Variants in PRKCQ observed in about 807,000 individuals in gnomAD.
The protein encoded by PRKCQ is protein kinase C theta type.
In PRKCQ, 41 loss-of-function variants were observed where a neutral mutation model predicts 91.2. The ratio of observed to expected loss-of-function variants is 0.45; its 90% CI spans 0.35 to 0.58. PRKCQ has a LOEUF of 0.58. Ranked by LOEUF, PRKCQ falls within the 20% of genes least tolerant of loss-of-function variation. The pLI is 0.00. For synonymous variants in PRKCQ, 307 were observed against 316.9 expected (o/e 0.97, Z 0.33); for missense variants, 673 against 896.5 (o/e 0.75, Z 3.18).
intron 16 of PRKCQ, among the ~76,000 whole-genome samples, chr10:6,435,531 A>G (rs924437519): frequency 6.6e-6 from 1 of 152,218 alleles, no homozygotes; most frequent in African/African-American, 2.4e-5. Flanking sequence ...AATATGTGTA[A>G]GAGAAAGTTC....
chr10:6,559,900 C>T (rs1304813082), intron 1 of PRKCQ, among the ~76,000 whole-genome samples: 1 of 152,098 alleles, frequency 6.6e-6, no homozygotes, highest in Non-Finnish European at 1.5e-5. Flanking sequence ...TCGTTACGTA[C>T]ACAGAATGTG....
intron 11 of PRKCQ, among the ~76,000 whole-genome samples, chr10:6,483,183 A>G (rs1836706021): frequency 6.6e-6 from 1 of 152,206 alleles, no homozygotes; most frequent in African/African-American, 2.4e-5. Flanking sequence ...TGGTGCCCAA[A>G]GACATCAAAC....
intron 1 of PRKCQ, among the ~76,000 whole-genome samples, chr10:6,521,777 C>T (rs1839011240): frequency 1.3e-5 from 2 of 152,102 alleles, no homozygotes; most frequent in Admixed American, 6.6e-5. Flanking sequence ...CACTTACTAC[C>T]CTCTGATGTC....
chr10:6,415,453 T>C, the PRKCQ span, among the ~76,000 whole-genome samples: 343 of 98,292 alleles, frequency 3.5e-3, 3 homozygotes, highest in Non-Finnish European at 5.7e-3. Context: ...TATATATATA[T>C]ATACACTTAC....
At chr10:6,489,432 G>A (rs1170531346) in intron 8 of PRKCQ, 2 of 532,320 alleles carry the variant, frequency 3.8e-6, no homozygotes, top group Non-Finnish European at 7.7e-6. Flanking sequence ...GGAGGGCAAA[G>A]AGTCCCTTTG....
intron 7 of PRKCQ, among the ~76,000 whole-genome samples, chr10:6,496,526 G>T (rs192777001): frequency 6.6e-6 from 1 of 151,892 alleles, no homozygotes; most frequent in Non-Finnish European, 1.5e-5. Context: ...TCTAGCTGGG[G>T]GTGCCACAAG....
intron 1 of PRKCQ, among the ~76,000 whole-genome samples, chr10:6,555,451 T>A (rs1251060463): frequency 6.6e-6 from 1 of 152,166 alleles, no homozygotes; most frequent in Admixed American, 6.5e-5. Flanking sequence ...AGACATTCAG[T>A]GAATAATGCA....
At chr10:6,406,741 G>A in the PRKCQ span, among the ~76,000 whole-genome samples, 1 of 152,140 alleles carries the variant, frequency 6.6e-6, no homozygotes, top group Non-Finnish European at 1.5e-5. Flanking sequence ...GGCACTGAGG[G>A]AATGGCTCAC....
intron 8 of PRKCQ, among the ~76,000 whole-genome samples, chr10:6,487,468 G>A (rs1836991648): frequency 6.6e-6 from 1 of 152,138 alleles, no homozygotes; most frequent in Non-Finnish European, 1.5e-5. Flanking sequence ...TGAACGCTCT[G>A]GGGGCTCCCG....
chr10:6,494,345 A>AT (rs1837475578), intron 7 of PRKCQ, among the ~76,000 whole-genome samples: 1 of 152,210 alleles, frequency 6.6e-6, no homozygotes, highest in South Asian at 2.1e-4. Flanking sequence ...CTCCCTGGCC[A>AT]CGGGAGCACT....
At chr10:6,400,632 A>G in the PRKCQ span, among the ~76,000 whole-genome samples, 7 of 800 alleles carry the variant, frequency 8.8e-3, no homozygotes, top group Non-Finnish European at 0.29. Context: ...TTCCTTTCAG[A>G]AAAAAAAAAA....
chr10:6,572,694 C>G (rs6602848), intron 1 of PRKCQ, among the ~76,000 whole-genome samples: 72,254 of 152,092 alleles, frequency 0.48, 20,964 homozygotes, highest in Non-Finnish European at 0.62. Context: ...AATGAACATA[C>G]GTGTGCATGT....
chr10:6,407,902 G>T, the PRKCQ span, among the ~76,000 whole-genome samples: 1 of 151,968 alleles, frequency 6.6e-6, no homozygotes, highest in Non-Finnish European at 1.5e-5. The surrounding 1 kb of genome is among the most constrained non-coding windows in gnomAD (Gnocchi z 4.0). Context: ...AGTATAAAAT[G>T]ATATATCTAT....
chr10:6,417,579 C>T, the PRKCQ span, among the ~76,000 whole-genome samples: 1 of 152,356 alleles, frequency 6.6e-6, no homozygotes, highest in East Asian at 1.9e-4. Flanking sequence ...TGCTCAGAAT[C>T]TGTTGATCCA....
At chr10:6,438,992 A>G (rs1042141615) in intron 16 of PRKCQ, among the ~76,000 whole-genome samples, 1 of 152,212 alleles carries the variant, frequency 6.6e-6, no homozygotes, top group Non-Finnish European at 1.5e-5. Flanking sequence ...TTATTCTTCT[A>G]TGTATTTAGC....
chr10:6,556,635 C>T (rs1432739436), intron 1 of PRKCQ, among the ~76,000 whole-genome samples: 6 of 148,190 alleles, frequency 4.0e-5, no homozygotes, highest in Non-Finnish European at 7.4e-5. Context: ...TGCCACTGCA[C>T]TTTACACTTA....
At chr10:6,489,633 A>T (rs532187761) in intron 8 of PRKCQ, 14 of 378,872 alleles carry the variant, frequency 3.7e-5, no homozygotes, top group East Asian at 2.2e-4. Context: ...GGGTGAGCGG[A>T]GCAGGCGGGG....
chr10:6,462,441 T>A, intron 13 of PRKCQ, 76 bp from the exon 14 acceptor site: 1 of 1,323,886 alleles, frequency 7.6e-7, no homozygotes, highest in Non-Finnish European at 1.1e-6. Flanking sequence ...AGACTGACCT[T>A]TTTCTGACAT....
intron 14 of PRKCQ, among the ~76,000 whole-genome samples, chr10:6,458,491 G>A (rs1486157756): frequency 6.7e-6 from 1 of 149,932 alleles, no homozygotes; most frequent in Non-Finnish European, 1.5e-5. Context: ...TCTGTCAGAG[G>A]AGAAGCAGGC....
Sources: allele counts gnomAD v4.1 joint callset (sites outside exome capture counted in the v4.1 genomes callset), GRCh38; gene constraint gnomAD v4.1.1; non-coding constraint Gnocchi (gnomAD v3.1); transcripts MANE v1.5; gene names NCBI Gene and HGNC (gene_info 2026-07-23, HGNC 2026-07-21).